SDK1: variants seen among roughly 807,000 people sequenced by gnomAD.
SDK1 encodes the protein protein sidekick-1.
In SDK1, 157 loss-of-function variants were observed where a neutral mutation model predicts 245.5. The ratio of observed to expected loss-of-function variants is 0.64; its 90% confidence interval spans 0.56 to 0.73. SDK1 has a LOEUF of 0.73. Among genes scored for constraint, SDK1 ranks in the 30% least tolerant of loss-of-function variants. The pLI is 0.00. For synonymous variants in SDK1, 1,647 were observed against 1,278.5 expected (o/e 1.29, Z -6.15); for missense variants, 3,583 against 3,002.3 (o/e 1.19, Z -4.52).
chr7:3,651,843 G>C (rs539204856), intron 4 of SDK1, among the ~76,000 whole-genome samples: 1 of 152,312 alleles, frequency 6.6e-6, no homozygotes, highest in East Asian at 1.9e-4. Context: ...ATAGAGAACA[G>C]AGGGGAATGA....
intron 1 of SDK1, among the ~76,000 whole-genome samples, chr7:3,390,889 A>G (rs1781733035): frequency 1.3e-5 from 2 of 152,144 alleles, no homozygotes; most frequent in South Asian, 4.1e-4. Context: ...TAGCCCTAGG[A>G]AATGAATATG....
At chr7:3,654,771 A>G (rs1340403431) in intron 4 of SDK1, among the ~76,000 whole-genome samples, 1 of 152,230 alleles carries the variant, frequency 6.6e-6, no homozygotes, top group Non-Finnish European at 1.5e-5. Context: ...CGAGTTGGCC[A>G]TGTAGTATCT....
At chr7:4,088,590 C>T (rs1584088653) in intron 22 of SDK1, among the ~76,000 whole-genome samples, 2 of 151,652 alleles carry the variant, frequency 1.3e-5, no homozygotes, top group East Asian at 3.9e-4. Flanking sequence ...AATTTAATTG[C>T]ATCAGACTAT....
intron 5 of SDK1, among the ~76,000 whole-genome samples, chr7:3,840,665 C>T (rs572345577): frequency 6.4e-4 from 97 of 152,372 alleles, no homozygotes; most frequent in Non-Finnish European, 1.2e-3. Context: ...GATGCTGATA[C>T]TGCGGTTCAC....
At chr7:4,087,101 C>G (rs1279799223) in intron 22 of SDK1, among the ~76,000 whole-genome samples, 1 of 151,622 alleles carries the variant, frequency 6.6e-6, no homozygotes, top group African/African-American at 2.4e-5. Flanking sequence ...GAATCATAGG[C>G]AGAAAGGTTT....
chr7:3,962,746 GGCCT>G lies in SDK1; in HGVS notation c.1327_1330del (p.Leu443AlafsTer32). The G allele has an allele frequency of 6.2e-7, 1 of 1,613,740 alleles. No homozygotes were observed. The highest frequency in any genetic ancestry group is 8.5e-7 in the Non-Finnish European group (1 of 1,179,866). On this transcript the variant is annotated frameshift_variant, in exon 9 of 45. Coordinates refer to ENST00000404826, the MANE Select transcript of SDK1 (RefSeq NM_152744.4). LOFTEE classifies it high-confidence loss of function. Reference sequence around the variant, plus strand: ...TCGATACAAAGTGCTCGCCAGCGGAGGCCTGCGCATCCAGAAGCTGCGTCCAGAG... The same window carrying G: ...TCGATACAAAGTGCTCGCCAGCGGAGGCGCATCCAGAAGCTGCGTCCAGAG...
chr7:3,649,115 TG>T lies in SDK1; in HGVS notation c.713+7013del, dbSNP rs1226076233. Among the ~76,000 whole-genome samples the T allele has an allele frequency of 2.0e-5, 3 of 151,952 alleles. No individual in the cohort carries two copies. In the East Asian group the frequency reaches 5.8e-4, roughly 29 times the overall value. Reference sequence around the variant, plus strand: ...GAGGCATCCCACGTGTGCCCCTCAGTGGGTGTGTTCTGATATGAAGCAGGTA... The same window carrying T: ...GAGGCATCCCACGTGTGCCCCTCAGTGGTGTGTTCTGATATGAAGCAGGTA... On this transcript the variant is annotated intron_variant, in intron 4 of 44. Coordinates refer to ENST00000404826, the MANE Select transcript of SDK1 (RefSeq NM_152744.4).
chr7:3,440,294 C>T (rs1341328089), intron 1 of SDK1, among the ~76,000 whole-genome samples: 1 of 152,150 alleles, frequency 6.6e-6, no homozygotes, highest in Non-Finnish European at 1.5e-5. Flanking sequence ...TGAAGGAGTC[C>T]ACCTTGCTTA....
At chr7:3,473,997 C>A (rs1473208749) in intron 1 of SDK1, among the ~76,000 whole-genome samples, 1 of 151,194 alleles carries the variant, frequency 6.6e-6, no homozygotes, top group Non-Finnish European at 1.5e-5. Context: ...TTTTGGACAT[C>A]CACCTTTAAC....
intron 1 of SDK1, among the ~76,000 whole-genome samples, chr7:3,446,239 G>C (rs11977306): frequency 0.75 from 114,682 of 151,974 alleles, 43,549 homozygotes; most frequent in African/African-American, 0.83. Flanking sequence ...TATGCTGTCT[G>C]TAACCTTGAA....
chr7:4,029,244 C>T (rs891530835), intron 17 of SDK1, among the ~76,000 whole-genome samples: 1 of 111,764 alleles, frequency 8.9e-6, no homozygotes, highest in African/African-American at 5.3e-5. Context: ...AGAAGTCTCA[C>T]TCTGTCATCC....
At chr7:4,070,649 A>G (rs921231186) in intron 20 of SDK1, among the ~76,000 whole-genome samples, 12 of 152,008 alleles carry the variant, frequency 7.9e-5, no homozygotes, top group Non-Finnish European at 1.8e-4. Flanking sequence ...AGATCCCCTG[A>G]TAGAGCGGTG....
chr7:3,578,951 TTAAAG>T (rs1780395585), intron 1 of SDK1, among the ~76,000 whole-genome samples: 1 of 152,012 alleles, frequency 6.6e-6, no homozygotes, highest in Non-Finnish European at 1.5e-5. Context: ...GATTAAGAGA[TTAAAG>T]TAAGACAGGT....
chr7:3,469,279 A>G (rs1288460313), intron 1 of SDK1, among the ~76,000 whole-genome samples: 3 of 152,148 alleles, frequency 2.0e-5, no homozygotes, highest in African/African-American at 7.2e-5. Flanking sequence ...AACAAATGAA[A>G]CATTAGTCAG....
chr7:3,604,664 G>T (rs578035691), intron 1 of SDK1, among the ~76,000 whole-genome samples: 2 of 139,554 alleles, frequency 1.4e-5, no homozygotes, highest in East Asian at 4.2e-4. Context: ...GTGCAATGGT[G>T]TGATCTTGGC....
chr7:4,223,353 C>T (rs759793447), intron 40 of SDK1, among the ~76,000 whole-genome samples: 11 of 152,254 alleles, frequency 7.2e-5, no homozygotes, highest in Non-Finnish European at 1.5e-4. Flanking sequence ...CAAAGTCCCA[C>T]AAACTAGGCA....
Position 4,268,329 on chromosome 7 carries a change from G to C in SDK1, c.*2945G>C. On this transcript the variant is annotated 3_prime_UTR_variant, in exon 45 of 45. Coordinates refer to ENST00000404826, the MANE Select transcript of SDK1 (RefSeq NM_152744.4). ...CAGGGCAGAGATTCCAGGCAGGTGA[G>C]CCCAGAGAGAGCTGCCAGGCCACAC... The C allele has an allele frequency of 1.9e-6, 2 of 1,039,770 alleles. No homozygotes were observed. Among genetic ancestry groups the C allele is most frequent in the Non-Finnish European group, 2.3e-6 (2 of 861,458 alleles). 64.4% of individuals were successfully genotyped at this position (1,039,770 alleles called of 1,614,324 possible).
intron 40 of SDK1, among the ~76,000 whole-genome samples, chr7:4,224,250 T>G (rs1785292992): frequency 6.6e-6 from 1 of 152,240 alleles, no homozygotes; most frequent in South Asian, 2.1e-4. Flanking sequence ...CTCACAGTTC[T>G]GCAGGCTGTA....
chr7:3,844,955 G>C (rs890574750), intron 5 of SDK1, among the ~76,000 whole-genome samples: 1 of 152,156 alleles, frequency 6.6e-6, no homozygotes, highest in African/African-American at 2.4e-5. Flanking sequence ...TATTAGCTAG[G>C]ATGTATGTTT....
Sources: gnomAD v4.1 joint callset for allele counts (sites outside exome capture counted in the v4.1 genomes callset) on GRCh38, gnomAD v4.1.1 for gene constraint, MANE v1.5 for transcripts, NCBI Gene and HGNC (gene_info 2026-07-23, HGNC 2026-07-21) for gene names.